Variants in FBXO9 observed in about 807,000 individuals in gnomAD.
The protein encoded by FBXO9 is F-box protein 9.
Under a neutral mutation model 63.7 loss-of-function variants are expected in FBXO9, and 43 were observed. The observed-to-expected ratio is 0.67, with a 90% CI of 0.53 to 0.87. The LOEUF (loss-of-function observed/expected upper bound fraction) is 0.87, where lower values mean the gene tolerates loss of function less well. Ranked by LOEUF, FBXO9 falls within the 40% of genes least tolerant of loss-of-function variation. The probability of loss-of-function intolerance (pLI) is 0.00; values close to 1 mark genes in which losing one functional copy is unlikely to be tolerated. For missense variants in FBXO9, 442 were observed against 533.2 expected (o/e 0.83, Z 1.68); for synonymous variants, 156 against 171.7 (o/e 0.91, Z 0.72).
intron 3 of FBXO9, 55 bp from the exon 4 acceptor site, chr6:53,076,431 T>C: frequency 9.1e-7 from 1 of 1,095,648 alleles, no homozygotes; most frequent in Non-Finnish European, 1.3e-6. Flanking sequence ...CCTTCTGCCA[T>C]CCATACTAAT....
At chr6:53,097,470 A>G (rs1419416852) in intron 12 of FBXO9, among the ~76,000 whole-genome samples, 1 of 152,200 alleles carries the variant, frequency 6.6e-6, no homozygotes, top group Non-Finnish European at 1.5e-5. Context: ...AAAAAGAATT[A>G]CTAAGTTTGA....
Position 53,099,804 on chromosome 6 carries a change from G to A in FBXO9, c.*1974G>A, listed in dbSNP as rs1202696296. On this transcript the variant is annotated 3_prime_UTR_variant, in exon 13 of 13. Transcript: ENST00000323557. ...ATCTGAGAAGTGTGTTTTTCAAGTT[G>A]GAAAGGAAGGAGAAAAGCAACTTGC... The A allele has an allele frequency of 6.6e-6, 1 of 152,124 alleles. No homozygotes were observed. Among genetic ancestry groups the A allele is most frequent in the African/African-American group, 2.4e-5 (1 of 41,394 alleles). The allele number at this position is 152,124 out of a possible 1,614,324, so 9.4% of individuals were successfully genotyped here.
In FBXO9 at chr6:53,084,478, G is replaced by A. The variant is rs980691643; in HGVS notation, c.653+1860G>A. Among the ~76,000 whole-genome samples the A allele has an allele frequency of 2.0e-5, 3 of 152,190 alleles. No homozygotes were observed. The East Asian group carries it at 5.8e-4, about 29-fold the overall frequency. On this transcript the variant is annotated intron_variant, in intron 7 of 12. Coordinates refer to ENST00000323557, the MANE Select transcript of FBXO9 (RefSeq NM_033480.3). ...TCAAGTGAAAAAAGTAGCATTAAGT[G>A]GGGGTAAAAGTCTTATGATATGGTT... is the stretch of plus-strand genomic sequence containing the variant.
chr6:53,092,506 G>T lies in FBXO9; in HGVS notation c.731G>T (p.Trp244Leu). The T allele has an allele frequency of 6.2e-7, 1 of 1,613,934 alleles. No individual in the cohort carries two copies. The highest frequency in any genetic ancestry group is 8.5e-7 in the Non-Finnish European group (1 of 1,179,868). The change falls in exon 8 of 13, where the codon TGG (tryptophan) becomes TTG (leucine). Residue 244 changes from tryptophan (W) to leucine (L), a missense_variant. This residue lies in a region of FBXO9 where 262 missense variants were observed against 362.1 expected (regional missense o/e 0.72). Coordinates refer to ENST00000323557, the MANE Select transcript of FBXO9 (RefSeq NM_033480.3). ...ATTAAACTTGTTCCGTACACGTCCT[G>T]GAGAGAGATGTTTTTAGAACGGCCT... ...SCIKLVPYTS[W>L]REMFLERPRV...
At chr6:53,093,590 A>T (rs1214014474) in intron 10 of FBXO9, 29 bp downstream of exon 10, 1 of 1,513,418 alleles carries the variant, frequency 6.6e-7, no homozygotes, top group Non-Finnish European at 9.2e-7. Context: ...ATGGCTTTCC[A>T]TCCAGTCTAT....
In FBXO9 at chr6:53,098,864, C is replaced by T. The variant is rs1237526318; in HGVS notation, c.*1034C>T. The T allele has an allele frequency of 6.6e-6, 1 of 152,186 alleles. No homozygotes were observed. The allele number at this position is 152,186 out of a possible 1,614,324, so 9.4% of individuals were successfully genotyped here. A position where few individuals can be genotyped will look rare whatever the true frequency, so the allele number is the denominator to read the frequency against. On this transcript the variant is annotated 3_prime_UTR_variant, in exon 13 of 13. Transcript: ENST00000323557. Reference sequence around the variant, plus strand: ...AGGAAAACTGTATGTTACCTTTTTACTCAAAGGAGTCCCCCCTGCCCAGTA... The same window carrying T: ...AGGAAAACTGTATGTTACCTTTTTATTCAAAGGAGTCCCCCCTGCCCAGTA...
At chr6:53,076,289 G>T (rs1052284303) in intron 3 of FBXO9, among the ~76,000 whole-genome samples, 197 bp from the exon 4 acceptor site, 2 of 151,998 alleles carry the variant, frequency 1.3e-5, no homozygotes, top group African/African-American at 2.4e-5. Context: ...CTTCTAAAAG[G>T]TTTATGGATT....
In FBXO9 at chr6:53,092,504, C is replaced by G. The variant is rs1763069565; in HGVS notation, c.729C>G (p.Ser243=). The G allele has an allele frequency of 6.2e-7, 1 of 1,613,864 alleles. No homozygotes were observed. Residue 243 remains serine, a synonymous_variant, in exon 8 of 13, where the codon TCC becomes TCG. Coordinates refer to ENST00000323557, the MANE Select transcript of FBXO9 (RefSeq NM_033480.3). ...RSCIKLVPYT[S]WREMFLERPR... ...GTATTAAACTTGTTCCGTACACGTCCTGGAGAGAGATGTTTTTAGAACGGC... is the reference window on the plus strand; with the variant it reads ...GTATTAAACTTGTTCCGTACACGTCGTGGAGAGAGATGTTTTTAGAACGGC...
intron 6 of FBXO9, among the ~76,000 whole-genome samples, chr6:53,081,768 T>C (rs1769322529): frequency 6.6e-6 from 1 of 152,198 alleles, no homozygotes; most frequent in African/African-American, 2.4e-5. Context: ...ACTGAATGTT[T>C]AGGAATTAAT....
At chr6:53,068,652 G>GTT in intron 1 of FBXO9, among the ~76,000 whole-genome samples, 1 of 11,928 alleles carries the variant, frequency 8.4e-5, no homozygotes, top group Admixed American at 7.4e-4. Context: ...ATATATATAT[G>GTT]TGTTTTTTTT....
chr6:53,093,604 T>G, intron 10 of FBXO9, 43 bp downstream of exon 10: 1 of 1,423,916 alleles, frequency 7.0e-7, no homozygotes, highest in Non-Finnish European at 9.9e-7. Context: ...AGTCTATGTT[T>G]TATATGGTTC....
At chr6:53,088,926 GT>G (rs756720917) in intron 7 of FBXO9, among the ~76,000 whole-genome samples, 76 of 129,092 alleles carry the variant, frequency 5.9e-4, no homozygotes, top group Admixed American at 6.9e-4. Context: ...TTCTTTCTTT[GT>G]TTTTTTTTTT....
At chr6:53,080,908 G>C (rs1769286456) in intron 5 of FBXO9, 60 bp from the exon 6 acceptor site, 1 of 1,585,714 alleles carries the variant, frequency 6.3e-7, no homozygotes, top group Non-Finnish European at 8.6e-7. Flanking sequence ...TGAAAAATCA[G>C]TTTCTAAACT....
chr6:53,078,591 A>C (rs1769199722), intron 4 of FBXO9, among the ~76,000 whole-genome samples: 1 of 152,242 alleles, frequency 6.6e-6, no homozygotes, highest in Non-Finnish European at 1.5e-5. Context: ...TAAGAGTAAA[A>C]TACAACATCT....
chr6:53,100,609 T>G lies in FBXO9; in HGVS notation c.*2779T>G, dbSNP rs546168551. 6.6e-6 allele frequency: 1 copy of G among 152,124 alleles called. No individual in the cohort carries two copies. Among genetic ancestry groups the G allele is most frequent in the Non-Finnish European group, 1.5e-5 (1 of 67,994 alleles). The allele number at this position is 152,124 out of a possible 1,614,324, so 9.4% of individuals were successfully genotyped here. ...AGCCCCCAGGGGAAAGCATTAGCCT[T>G]GAATCCTCAATCCCAGGCCCTCTAC... is the stretch of plus-strand genomic sequence containing the variant. On this transcript the variant is annotated 3_prime_UTR_variant, in exon 13 of 13. Coordinates refer to ENST00000323557, the MANE Select transcript of FBXO9 (RefSeq NM_033480.3).
intron 7 of FBXO9, chr6:53,091,168 G>A (rs1763029225): frequency 6.6e-6 from 1 of 152,220 alleles, no homozygotes; most frequent in Non-Finnish European, 1.5e-5. Context: ...TAGAAATGGA[G>A]CAGGTCAAAA....
At chr6:53,091,588 C>T (rs1221488880) in intron 7 of FBXO9, 5 of 152,320 alleles carry the variant, frequency 3.3e-5, no homozygotes, top group Admixed American at 6.5e-5. Flanking sequence ...AGGCTGGTCT[C>T]GACCTCCTGA....
chr6:53,071,642 CTCATTAATAATTTAA>C (rs537236913), intron 2 of FBXO9, among the ~76,000 whole-genome samples: 12 of 152,134 alleles, frequency 7.9e-5, no homozygotes, highest in Non-Finnish European at 1.6e-4. Flanking sequence ...GATAATTAGC[CTCATTAATAATTTAA>C]TCAGATTGGT....
intron 7 of FBXO9, among the ~76,000 whole-genome samples, chr6:53,083,580 C>T (rs148185571): frequency 1.1e-4 from 16 of 152,292 alleles, no homozygotes; most frequent in African/African-American, 3.8e-4. Flanking sequence ...ACAAGGGGGA[C>T]GCCAGTCTGA....
Sources: gnomAD v4.1 joint callset for allele counts (sites outside exome capture counted in the v4.1 genomes callset) on GRCh38, gnomAD v4.1.1 for gene constraint, gnomAD v4.1.1 regional missense constraint, MANE v1.5 for transcripts, NCBI Gene and HGNC (gene_info 2026-07-23, HGNC 2026-07-21) for gene names.